The following PPP2R2C variants were observed in gnomAD, a reference collection of about 807,000 sequenced individuals.
PPP2R2C encodes protein phosphatase 2, regulatory subunit B, gamma.
A neutral mutation model predicts 45.3 loss-of-function variants in PPP2R2C; 10 were observed. The ratio of observed to expected loss-of-function variants is 0.22; its 90% confidence interval spans 0.14 to 0.37. PPP2R2C has a LOEUF of 0.37. Among genes scored for constraint, PPP2R2C ranks in the 10% least tolerant of loss-of-function variants. The pLI, the probability that PPP2R2C is intolerant of heterozygous loss-of-function variation, is 1.00. For missense variants in PPP2R2C, 308 were observed against 619.7 expected, an observed-to-expected ratio of 0.50 and a Z score of 5.34; for synonymous variants, 257 against 245.4, an observed-to-expected ratio of 1.05 and a Z score of -0.44.
intron 1 of PPP2R2C, among the ~76,000 whole-genome samples, chr4:6,419,824 C>A (rs529418289): frequency 2.0e-5 from 3 of 152,104 alleles, no homozygotes; most frequent in Non-Finnish European, 4.4e-5. Context: ...AGATAAATCA[C>A]CCCAATCTCT....
At chr4:6,489,968 G>A (rs554886324) in intron 2 of PPP2R2C, among the ~76,000 whole-genome samples, 79 of 152,348 alleles carry the variant, frequency 5.2e-4, no homozygotes, top group Middle Eastern at 6.8e-3. Flanking sequence ...CAGCCTTGGG[G>A]AAATTTGGAA....
chr4:6,409,661 G>A (rs1009921605), intron 1 of PPP2R2C, among the ~76,000 whole-genome samples: 62 of 152,160 alleles, frequency 4.1e-4, no homozygotes, highest in African/African-American at 1.3e-3. Context: ...GACTCCCTGT[G>A]ACCACAGATC....
intron 1 of PPP2R2C, among the ~76,000 whole-genome samples, chr4:6,559,604 C>T (rs1165393072): frequency 6.6e-6 from 1 of 152,092 alleles, no homozygotes; most frequent in Non-Finnish European, 1.5e-5. Context: ...CCCCTGAATT[C>T]CTATGTTGAA....
rs1425347799 is a variant in PPP2R2C at position 6,324,594 on chromosome 4, G to C, written c.1053-1001C>G. Among the ~76,000 whole-genome samples the C allele has an allele frequency of 1.3e-5, 2 of 152,194 alleles. No homozygotes were observed. The highest frequency in any genetic ancestry group is 4.8e-5 in the African/African-American group (2 of 41,458). ...AGGCCCTGCTTCCCTCCAGGGGCCCGCCTGTCCCGAGGACTCGGGCGAATA... is the reference window on the plus strand; with the variant it reads ...AGGCCCTGCTTCCCTCCAGGGGCCCCCCTGTCCCGAGGACTCGGGCGAATA... On this transcript the variant is annotated intron_variant, in intron 8 of 8. Transcript: ENST00000382599. The surrounding 1 kb of genome is among the most constrained non-coding windows in gnomAD (Gnocchi z 4.1).
chr4:6,500,289 A>G (rs2108793425), intron 2 of PPP2R2C, among the ~76,000 whole-genome samples: 1 of 152,232 alleles, frequency 6.6e-6, no homozygotes, highest in East Asian at 1.9e-4. Context: ...CTGGGATTAT[A>G]GGCGCACACC....
At position 6,321,729 on chromosome 4, in the gene PPP2R2C, A is replaced by C. The variant is rs1011992124; in HGVS notation, c.*1573T>G. The C allele has an allele frequency of 2.0e-5, 3 of 152,130 alleles. No homozygotes were observed. Among genetic ancestry groups the C allele is most frequent in the Non-Finnish European group, 4.4e-5 (3 of 68,034 alleles). 9.4% of individuals were successfully genotyped at this position (152,130 alleles called of 1,614,324 possible). On this transcript the variant is annotated 3_prime_UTR_variant, in exon 9 of 9. Transcript: ENST00000382599. ...CCCACTTTCTGAATCAAAATGCCAA[A>C]CTACGTGGCTCTGCTGCAAGTCCAT...
At chr4:6,505,811 C>T (rs953136082) in intron 2 of PPP2R2C, among the ~76,000 whole-genome samples, 1 of 151,952 alleles carries the variant, frequency 6.6e-6, no homozygotes, top group South Asian at 2.1e-4. Flanking sequence ...ACTAAAAATA[C>T]AAAAATTAGC....
intron 5 of PPP2R2C, among the ~76,000 whole-genome samples, chr4:6,360,507 C>G (rs771540066): frequency 6.6e-6 from 1 of 152,202 alleles, no homozygotes; most frequent in African/African-American, 2.4e-5. Flanking sequence ...ATGGAGGAAG[C>G]TGTCGCCATG....
chr4:6,519,489 C>G (rs1723947143), intron 2 of PPP2R2C, among the ~76,000 whole-genome samples: 1 of 152,220 alleles, frequency 6.6e-6, no homozygotes, highest in African/African-American at 2.4e-5. Context: ...CATGCAGCCT[C>G]CCTCTCCTCT....
intron 2 of PPP2R2C, among the ~76,000 whole-genome samples, chr4:6,487,075 G>T (rs972738430): frequency 2.0e-5 from 3 of 151,766 alleles, no homozygotes; most frequent in African/African-American, 7.3e-5. Flanking sequence ...CTACCTTCAG[G>T]TGATATTATA....
At chr4:6,502,485 C>G (rs1254438266) in intron 2 of PPP2R2C, among the ~76,000 whole-genome samples, 3 of 151,920 alleles carry the variant, frequency 2.0e-5, no homozygotes, top group Non-Finnish European at 2.9e-5. Context: ...TGCCCTCCCT[C>G]TGTCCCTCCC....
intron 2 of PPP2R2C, among the ~76,000 whole-genome samples, chr4:6,497,008 C>A (rs984144380): frequency 6.6e-6 from 1 of 152,026 alleles, no homozygotes; most frequent in Non-Finnish European, 1.5e-5. Flanking sequence ...ATAGACTGTG[C>A]CAAACAACAA....
intron 5 of PPP2R2C, among the ~76,000 whole-genome samples, chr4:6,371,972 C>T (rs1447745069): frequency 6.6e-6 from 1 of 152,204 alleles, no homozygotes; most frequent in Non-Finnish European, 1.5e-5. Flanking sequence ...CAGCAGTCGG[C>T]GGGAATCGTC....
At chr4:6,417,464 C>G (rs936151350) in intron 1 of PPP2R2C, among the ~76,000 whole-genome samples, 1 of 152,308 alleles carries the variant, frequency 6.6e-6, no homozygotes, top group Admixed American at 6.5e-5. Context: ...CCTCAGTTTG[C>G]CCCCCTTGGG....
At chr4:6,504,685 A>G (rs1428690949) in intron 2 of PPP2R2C, among the ~76,000 whole-genome samples, 8 of 152,210 alleles carry the variant, frequency 5.3e-5, no homozygotes, top group Non-Finnish European at 1.0e-4. Context: ...TGGATATACT[A>G]AAAAGCAGAT....
chr4:6,529,558 A>G (rs1724327173), intron 2 of PPP2R2C, among the ~76,000 whole-genome samples: 1 of 152,174 alleles, frequency 6.6e-6, no homozygotes, highest in Non-Finnish European at 1.5e-5. Context: ...CTGTGCCCCC[A>G]TGGAAGTGCT....
At chr4:6,371,110 G>C (rs150096842) in intron 5 of PPP2R2C, among the ~76,000 whole-genome samples, 1 of 152,218 alleles carries the variant, frequency 6.6e-6, no homozygotes, top group Non-Finnish European at 1.5e-5. Context: ...CTATGAGGAG[G>C]CATGATTGAA....
intron 7 of PPP2R2C, among the ~76,000 whole-genome samples, chr4:6,333,315 G>A (rs1212015199): frequency 3.3e-5 from 5 of 152,230 alleles, no homozygotes; most frequent in Non-Finnish European, 7.3e-5. Context: ...TGGAATTGAG[G>A]CCCCTGGGCC....
rs1291455127 is a variant in PPP2R2C at position 6,472,188 on chromosome 4, G to A, written c.42C>T (p.Phe14=). ...DTDTRKINHS[F]LRDHSYVTEA... is the part of the protein sequence containing the mutation. Reference sequence around the variant, plus strand: ...CAGTCACATAGCTGTGGTCCCGCAGGAAGCTGTGGTTAATTTTCCGCGTGT... The same window carrying A: ...CAGTCACATAGCTGTGGTCCCGCAGAAAGCTGTGGTTAATTTTCCGCGTGT... The change falls in exon 1 of 9, where the codon TTC becomes TTT. Residue 14 remains phenylalanine, a synonymous_variant. Coordinates refer to ENST00000382599, the MANE Select transcript of PPP2R2C (RefSeq NM_020416.4). 6.2e-7 allele frequency: 1 copy of A among 1,613,528 alleles called. No individual in the cohort carries two copies. Among genetic ancestry groups the A allele is most frequent in the South Asian group, 1.1e-5 (1 of 91,084 alleles).
Sources: gnomAD v4.1 joint callset for allele counts (sites outside exome capture counted in the v4.1 genomes callset) on GRCh38, gnomAD v4.1.1 for gene constraint, Gnocchi (gnomAD v3.1) non-coding constraint, MANE v1.5 for transcripts, NCBI Gene and HGNC (gene_info 2026-07-23, HGNC 2026-07-21) for gene names.